Variants in AATK observed in about 807,000 individuals in gnomAD.
AATK encodes the protein serine/threonine-protein kinase LMTK1.
Under a neutral mutation model 114.3 loss-of-function variants are expected in AATK, and 91 were observed. That is an observed-to-expected ratio of 0.80 (90% CI 0.67 to 0.95). AATK has a LOEUF of 0.95. Among genes scored for constraint, AATK ranks in the 40% least tolerant of loss-of-function variants. The pLI, the probability that AATK is intolerant of heterozygous loss-of-function variation, is 0.00. For synonymous variants in AATK, 1,075 were observed against 916.5 expected (o/e 1.17, Z -3.12); for missense variants, 2,176 against 1,965.2 (o/e 1.11, Z -2.03).
intron 1 of AATK, among the ~76,000 whole-genome samples, chr17:81,161,241 G>A (rs1041804558): frequency 2.0e-5 from 3 of 152,260 alleles, no homozygotes; most frequent in East Asian, 1.9e-4. Flanking sequence ...CCACTCCCTC[G>A]AGGCGCTGGC....
chr17:81,162,894 C>A lies in AATK; in HGVS notation c.55+3044G>T, dbSNP rs2061442550. Among the ~76,000 whole-genome samples the A allele has an allele frequency of 2.0e-5, 3 of 152,142 alleles. No homozygotes were observed. The South Asian group carries it at 6.2e-4, about 31-fold the overall frequency. On this transcript the variant is annotated intron_variant, in intron 1 of 13. Coordinates refer to ENST00000326724, the MANE Select transcript of AATK (RefSeq NM_001080395.3). ...CCGAGAACTTCCACAAACTCCAAGC[C>A]CTGCCCACTGGTCAACAGTGACACC...
At chr17:81,138,160 TGCACACAC>T (rs2061048465) in intron 1 of AATK, among the ~76,000 whole-genome samples, 2 of 140,910 alleles carry the variant, frequency 1.4e-5, no homozygotes. Flanking sequence ...CACGCCCACA[TGCACACAC>T]ACACTTACCC....
rs368425853 is a variant in AATK, at chr17:81,121,564, C to G, written c.2372G>C (p.Gly791Ala). 2.0e-6 allele frequency: 3 copies of G among 1,515,776 alleles called. No homozygotes were observed. The highest frequency in any genetic ancestry group is 2.8e-5 in the African/African-American group (2 of 72,052). The allele number at this position is 1,515,776 out of a possible 1,614,324, so 93.9% of individuals were successfully genotyped here. The change falls in exon 11 of 14, where the codon GGA becomes GCA. Residue 791 changes from glycine (G) to alanine (A), a missense_variant. Gly to Ala is a moderately conservative substitution (Grantham distance 60). Coordinates refer to ENST00000326724, the MANE Select transcript of AATK (RefSeq NM_001080395.3). Reference sequence around the variant, plus strand: ...GACGGAAGGAAGGGGCAGGCGGGGTCCGGTAGTGCCCTCAGCCTCCGTGGC... The same window carrying G: ...GACGGAAGGAAGGGGCAGGCGGGGTGCGGTAGTGCCCTCAGCCTCCGTGGC... ...KLATEAEGTT[G>A]PRLPLPSVPS...
chr17:81,141,953 TTTCCTTCCTTCC>T (rs200510786), intron 1 of AATK, among the ~76,000 whole-genome samples: 1 of 126,058 alleles, frequency 7.9e-6, no homozygotes, highest in Admixed American at 7.5e-5. Flanking sequence ...CCTTCCTTCC[TTTCCTTCCTTCC>T]TTCCTTCCTT....
intron 1 of AATK, among the ~76,000 whole-genome samples, chr17:81,160,558 G>A (rs957593154): frequency 1.3e-5 from 2 of 152,244 alleles, no homozygotes; most frequent in African/African-American, 4.8e-5. Context: ...GGCCCAGGGG[G>A]GCCCAGACGC....
intron 1 of AATK, among the ~76,000 whole-genome samples, chr17:81,154,039 G>A (rs1222652467): frequency 1.3e-5 from 2 of 152,054 alleles, no homozygotes; most frequent in Non-Finnish European, 2.9e-5. Flanking sequence ...TCACATCACT[G>A]CACTCCAGCC....
chr17:81,145,538 G>A (rs1301238884), intron 1 of AATK, among the ~76,000 whole-genome samples: 1 of 151,830 alleles, frequency 6.6e-6, no homozygotes, highest in African/African-American at 2.4e-5. Context: ...TTTGAGGCCA[G>A]CCTGACCAAT....
chr17:81,155,875 C>T (rs909451885), intron 1 of AATK, among the ~76,000 whole-genome samples: 8 of 151,470 alleles, frequency 5.3e-5, no homozygotes, highest in Middle Eastern at 3.4e-3. Flanking sequence ...TGTAGAGATG[C>T]GGTCTCGTGT....
chr17:81,138,835 CA>C (rs199608933), intron 1 of AATK, among the ~76,000 whole-genome samples: 4,524 of 151,894 alleles, frequency 0.03, 77 homozygotes, highest in South Asian at 0.052. Context: ...AGCGCACACA[CA>C]CCCCCACGCG....
chr17:81,138,945 T>C (rs1598945507), intron 1 of AATK, among the ~76,000 whole-genome samples: 2 of 146,628 alleles, frequency 1.4e-5, no homozygotes, highest in Admixed American at 1.3e-4. Context: ...CACACACACA[T>C]GCACACCCCC....
chr17:81,132,034 T>C (rs74002050), intron 2 of AATK: 66,231 of 1,303,648 alleles, frequency 0.051, 2,126 homozygotes, highest in African/African-American at 0.14. Context: ...AGGCTGCTAT[T>C]TTGAAATGTA....
intron 1 of AATK, among the ~76,000 whole-genome samples, chr17:81,158,444 G>T (rs902379772): frequency 3.0e-4 from 46 of 152,326 alleles, no homozygotes; most frequent in African/African-American, 1.0e-3. Context: ...GCGTGTGCCG[G>T]CTCCTGCCGC....
At chr17:81,124,494 G>A (rs2060765662) in intron 9 of AATK, among the ~76,000 whole-genome samples, 1 of 152,174 alleles carries the variant, frequency 6.6e-6, no homozygotes, top group Non-Finnish European at 1.5e-5. Flanking sequence ...ACGGGCCGTT[G>A]GCCCTGTACG....
At chr17:81,133,256 A>G (rs754229623) in intron 2 of AATK, 1 of 481,150 alleles carries the variant, frequency 2.1e-6, no homozygotes, top group Non-Finnish European at 4.3e-6. Flanking sequence ...TGGCCTTTAG[A>G]AAAGGCAAAA....
At position 81,126,332 on chromosome 17, in the gene AATK, G is replaced by C; in HGVS notation, c.755+95C>G. 2.1e-6 allele frequency: 3 copies of C among 1,429,652 alleles called. No individual in the cohort carries two copies. The highest frequency in any genetic ancestry group is 2.8e-6 in the Non-Finnish European group (3 of 1,073,664). The allele number at this position is 1,429,652 out of a possible 1,614,324, so 88.6% of individuals were successfully genotyped here. On this transcript the variant is annotated intron_variant, in intron 7 of 13. Transcript: ENST00000326724. This position sits in a 1 kb window ranked among gnomAD's most constrained non-coding sequence, Gnocchi z 5.1. ...CATGAGATGAACCTGGCCGGTCCTC[G>C]CAAGCCCCCTGAGGCAGGACCCGCC...
rs761982339 is a variant in AATK, at chr17:81,120,483, A to C, written c.3453T>G (p.Pro1151=). ...APLRLALPGL[P]AALEGRPEEE... is the part of the protein sequence containing the mutation. ...CCTCCGGCCGGCCCTCCAAGGCCGC[A>C]GGGAGGCCGGGCAGAGCCAGGCGGA... Residue 1151 remains proline (P), a synonymous_variant, in exon 11 of 14, where the codon CCT becomes CCG. Transcript: ENST00000326724. 1.3e-6 allele frequency: 2 copies of C among 1,518,456 alleles called. No homozygotes were observed. The highest frequency in any genetic ancestry group is 4.8e-5 in the East Asian group (2 of 41,642). The allele number at this position is 1,518,456 out of a possible 1,614,324, so 94.1% of individuals were successfully genotyped here. A position where few individuals can be genotyped will look rare whatever the true frequency, so the allele number is the denominator to read the frequency against.
chr17:81,125,103 C>G (rs1470455859), intron 7 of AATK, 89 bp from the exon 8 acceptor site: 5 of 862,588 alleles, frequency 5.8e-6, no homozygotes, highest in South Asian at 1.7e-5. Context: ...TGGGGTGTGC[C>G]GGGCGGGGGC....
chr17:81,137,796 G>A (rs2061036405), intron 1 of AATK, among the ~76,000 whole-genome samples: 1 of 151,806 alleles, frequency 6.6e-6, no homozygotes, highest in Admixed American at 6.6e-5. Context: ...ACTATACACA[G>A]GCCAAGACAT....
intron 1 of AATK, chr17:81,160,290 G>A (rs2061414818): frequency 1.0e-6 from 1 of 984,354 alleles, no homozygotes; most frequent in African/African-American, 1.7e-5. Context: ...ACCCCAGAGT[G>A]ACCCCCGGGA....
Sources: gnomAD v4.1 joint callset for allele counts (sites outside exome capture counted in the v4.1 genomes callset) on GRCh38, gnomAD v4.1.1 for gene constraint, Gnocchi (gnomAD v3.1) non-coding constraint, MANE v1.5 for transcripts, NCBI Gene and HGNC (gene_info 2026-07-23, HGNC 2026-07-21) for gene names.